The following BCAS3 variants were observed in gnomAD, a reference collection of about 807,000 sequenced individuals.
The protein encoded by BCAS3 is BCAS4/BCAS3 fusion.
Under a neutral mutation model 116.1 loss-of-function variants are expected in BCAS3, and 53 were observed. The observed-to-expected ratio is 0.46, with a 90% confidence interval of 0.37 to 0.57. The LOEUF (loss-of-function observed/expected upper bound fraction) is 0.57, where lower values mean the gene tolerates loss of function less well. BCAS3 is among the 20% of genes least tolerant of loss of function. The pLI is 0.00. For synonymous variants in BCAS3, 391 were observed against 408.2 expected, an observed-to-expected ratio of 0.96 and a Z score of 0.51; for missense variants, 917 against 1,165.4, an observed-to-expected ratio of 0.79 and a Z score of 3.10.
At chr17:60,981,387 A>G (rs1175610165) in intron 14 of BCAS3, among the ~76,000 whole-genome samples, 3 of 151,756 alleles carry the variant, frequency 2.0e-5, no homozygotes, top group Non-Finnish European at 2.9e-5. Flanking sequence ...GGTTCAAGCA[A>G]TTCTCCTGCC....
rs1740545105 is a variant in BCAS3 at position 61,012,657 on chromosome 17, C to T, written c.1487-3094C>T. On this transcript the variant is annotated intron_variant, in intron 15 of 23. Transcript: ENST00000407086. This position sits in a 1 kb window ranked among gnomAD's most constrained non-coding sequence, Gnocchi z 4.5. ...ACCTACACAACTTACTTTGCTCTCTCAGATGTGCTGGTTTCAAATGGACTC... is the reference window on the plus strand; with the variant it reads ...ACCTACACAACTTACTTTGCTCTCTTAGATGTGCTGGTTTCAAATGGACTC... Among the ~76,000 whole-genome samples, 1 of 152,054 alleles carries T rather than the reference C, an allele frequency of 6.6e-6. No individual in the cohort carries two copies.
intron 22 of BCAS3, among the ~76,000 whole-genome samples, chr17:61,192,333 A>G (rs1256247608): frequency 7.9e-5 from 12 of 151,596 alleles, no homozygotes; most frequent in South Asian, 6.3e-4. Flanking sequence ...GGGAGAAGCA[A>G]TGTTCACATA....
Position 61,126,651 on chromosome 17 carries a change from C to T in BCAS3, c.2425+42087C>T, listed in dbSNP as rs935785846. Among the ~76,000 whole-genome samples the T allele has an allele frequency of 1.3e-5, 2 of 152,182 alleles. No individual in the cohort carries two copies. The highest frequency in any genetic ancestry group is 2.9e-5 in the Non-Finnish European group (2 of 67,992). On this transcript the variant is annotated intron_variant, in intron 22 of 23. Coordinates refer to ENST00000407086, the MANE Select transcript of BCAS3 (RefSeq NM_017679.5). The surrounding 1 kb of genome is among the most constrained non-coding windows in gnomAD (Gnocchi z 4.6). ...GGATACAATTTGGCACTTATGGAGA[C>T]GAAATGATTTCCTTTTTAGCTGCTG...
intron 22 of BCAS3, among the ~76,000 whole-genome samples, chr17:61,174,224 T>C (rs2079013509): frequency 6.6e-6 from 1 of 152,198 alleles, no homozygotes; most frequent in South Asian, 2.1e-4. Context: ...AACAGCAAAT[T>C]ATTAACTGTA....
intron 4 of BCAS3, among the ~76,000 whole-genome samples, chr17:60,692,684 A>G (rs950434973): frequency 2.0e-5 from 3 of 150,652 alleles, no homozygotes; most frequent in Non-Finnish European, 4.4e-5. Flanking sequence ...TAGTGGGCTG[A>G]GATGTCACCA....
intron 21 of BCAS3, 24 bp downstream of exon 21, chr17:61,078,553 G>T (rs1346250044): frequency 3.1e-5 from 49 of 1,578,052 alleles, no homozygotes; most frequent in Non-Finnish European, 4.0e-5. Flanking sequence ...ATTAGGGAGT[G>T]ATTTGAACAA....
intron 22 of BCAS3, among the ~76,000 whole-genome samples, chr17:61,232,200 G>GAAAAAAAAAA (rs71148394): frequency 1.4e-5 from 1 of 72,482 alleles, no homozygotes. Context: ...GAAAGACTCC[G>GAAAAAAAAAA]AAAAAAAAAA....
At chr17:60,694,061 A>AT (rs1176884876) in intron 4 of BCAS3, among the ~76,000 whole-genome samples, 1 of 150,208 alleles carries the variant, frequency 6.7e-6, no homozygotes, top group Non-Finnish European at 1.5e-5. Context: ...AATTTTTTGT[A>AT]TTTTTTAGTA....
Position 61,388,239 on chromosome 17 carries a change from T to C in BCAS3, c.2594-3738T>C, listed in dbSNP as rs6504041. 9.9e-3 allele frequency: 1,935 copies of C among 194,552 alleles called. 39 individuals carry two copies. Among genetic ancestry groups the C allele is most frequent in the African/African-American group, 0.043 (1,828 of 42,636 alleles). The allele number at this position is 194,552 out of a possible 1,614,324, so 12.1% of individuals were successfully genotyped here. On this transcript the variant is annotated intron_variant, in intron 23 of 23. Transcript: ENST00000407086. The surrounding 1 kb of genome is among the most constrained non-coding windows in gnomAD (Gnocchi z 6.5). ...CCAAGGGCATCCCTGAAAACTGCAGTCTGTTTCCCTGTCCTCCTCCAGCAA... is the reference window on the plus strand; with the variant it reads ...CCAAGGGCATCCCTGAAAACTGCAGCCTGTTTCCCTGTCCTCCTCCAGCAA...
At chr17:60,913,949 C>T (rs994563675) in intron 12 of BCAS3, among the ~76,000 whole-genome samples, 6 of 152,050 alleles carry the variant, frequency 3.9e-5, no homozygotes, top group Admixed American at 1.3e-4. Flanking sequence ...GCTTTTTACA[C>T]GTTTATATAA....
chr17:61,086,206 G>A (rs922368600), intron 22 of BCAS3, among the ~76,000 whole-genome samples: 1 of 151,980 alleles, frequency 6.6e-6, no homozygotes, highest in African/African-American at 2.4e-5. Context: ...CTCCTATCTC[G>A]GCTTCCCGAG....
At chr17:61,058,661 A>G (rs2069646231) in intron 19 of BCAS3, among the ~76,000 whole-genome samples, 2 of 152,240 alleles carry the variant, frequency 1.3e-5, no homozygotes, top group Admixed American at 6.5e-5. Flanking sequence ...GCTTCCTTCA[A>G]TGTCTGTAAC....
intron 5 of BCAS3, among the ~76,000 whole-genome samples, chr17:60,728,009 A>G (rs2040074828): frequency 6.6e-6 from 1 of 151,802 alleles, no homozygotes; most frequent in African/African-American, 2.4e-5. Flanking sequence ...GGGTTTCGCC[A>G]TGTTACCCAG....
chr17:60,906,689 G>A (rs1007421683), intron 11 of BCAS3, among the ~76,000 whole-genome samples: 15 of 151,978 alleles, frequency 9.9e-5, no homozygotes, highest in Non-Finnish European at 2.1e-4. Context: ...TATTCTCTTC[G>A]ATTTTCCTAG....
chr17:61,230,175 A>G (rs1198086902), intron 22 of BCAS3, among the ~76,000 whole-genome samples: 2 of 142,542 alleles, frequency 1.4e-5, no homozygotes, highest in South Asian at 2.3e-4. Flanking sequence ...ACACACACAC[A>G]TAGTGTTGAT....
At chr17:61,048,586 A>AT (rs2068561622) in intron 19 of BCAS3, among the ~76,000 whole-genome samples, 1 of 151,934 alleles carries the variant, frequency 6.6e-6, no homozygotes, top group Non-Finnish European at 1.5e-5. Flanking sequence ...ACACTGTTTC[A>AT]TTTTTATCTT....
chr17:61,006,114 A>G (rs144975439), intron 15 of BCAS3, among the ~76,000 whole-genome samples: 1 of 152,216 alleles, frequency 6.6e-6, no homozygotes. Flanking sequence ...ATGTCCCTAC[A>G]AAGGACATGA....
intron 19 of BCAS3, among the ~76,000 whole-genome samples, chr17:61,060,114 A>ATT (rs11371251): frequency 6.6e-6 from 1 of 151,506 alleles, no homozygotes; most frequent in African/African-American, 2.4e-5. Flanking sequence ...ACCTAAATAT[A>ATT]TTTTTTTTAT....
chr17:60,737,170 C>T lies in BCAS3; in HGVS notation c.322-10028C>T, dbSNP rs541322798. Among the ~76,000 whole-genome samples, 26 of 152,182 alleles carry T rather than the reference C, an allele frequency of 1.7e-4. No homozygotes were observed. In the South Asian group the frequency reaches 4.8e-3, roughly 28 times the overall value. ...GGCCAGGCTGGTCTTGAACTCCTGA[C>T]CTCAGATGATTCACCTGCCTCGGCC... On this transcript the variant is annotated intron_variant, in intron 5 of 23. Transcript: ENST00000407086.
Sources: gnomAD v4.1 joint callset for allele counts (sites outside exome capture counted in the v4.1 genomes callset) on GRCh38, gnomAD v4.1.1 for gene constraint, Gnocchi (gnomAD v3.1) non-coding constraint, MANE v1.5 for transcripts, NCBI Gene and HGNC (gene_info 2026-07-23, HGNC 2026-07-21) for gene names.